SYNE1: variants seen among roughly 807,000 people sequenced by gnomAD.
SYNE1 encodes the protein spectrin repeat containing nuclear envelope protein 1, also known as nesprin-1.
Under a neutral mutation model 1,111.0 loss-of-function variants are expected in SYNE1, and 616 were observed. That is an observed-to-expected ratio of 0.55 (90% CI 0.52 to 0.59). The LOEUF is 0.59. SYNE1 is among the 20% of genes least tolerant of loss of function. SYNE1 has a pLI of 0.00. For synonymous variants in SYNE1, 3,855 were observed against 3,825.8 expected (o/e 1.01, Z -0.28); for missense variants, 10,006 against 10,417.0 (o/e 0.96, Z 1.72).
At position 152,232,329 on chromosome 6, in the gene SYNE1, T is replaced by G. The variant is rs1414324393; in HGVS notation, c.20713-64A>C. ...AATGGAAACCCCAACTTCTGCTAAC[T>G]TAAAAACCCTACAATAATTCTTAAA... On this transcript the variant is annotated intron_variant, in intron 112 of 145. Transcript: ENST00000367255. The G allele has an allele frequency of 2.9e-5, 45 of 1,528,514 alleles. No individual in the cohort carries two copies. In the Admixed American group the frequency reaches 7.4e-4, roughly 25 times the overall value. The allele number at this position is 1,528,514 out of a possible 1,614,324, so 94.7% of individuals were successfully genotyped here.
chr6:152,511,472 G>A, intron 6 of SYNE1: 1 of 1,049,516 alleles, frequency 9.5e-7, no homozygotes, highest in East Asian at 2.4e-5. Context: ...AGTTTAAGAA[G>A]ATGCACTTAC....
chr6:152,381,482 G>T, intron 55 of SYNE1, 120 bp from the exon 56 acceptor site: 1 of 962,864 alleles, frequency 1.0e-6, no homozygotes, highest in Non-Finnish European at 1.7e-6. Context: ...TGTGCCACAA[G>T]GACCCAGAAT....
chr6:152,277,790 GCC>G, intron 98 of SYNE1: 1 of 462,724 alleles, frequency 2.2e-6, no homozygotes, highest in South Asian at 2.0e-5. Flanking sequence ...TCCTGGAGTA[GCC>G]TTTACTTTCC....
At chr6:152,608,488 T>C (rs1037335480) in intron 3 of SYNE1, among the ~76,000 whole-genome samples, 3 of 152,238 alleles carry the variant, frequency 2.0e-5, no homozygotes, top group African/African-American at 4.8e-5. Context: ...TGTTTCTTAA[T>C]GAAGTATATA....
At chr6:152,367,116 A>G in intron 62 of SYNE1, 102 bp downstream of exon 62, 1 of 1,412,400 alleles carries the variant, frequency 7.1e-7, no homozygotes, top group Non-Finnish European at 1.0e-6. Context: ...GAGATTTATC[A>G]TGGAGAGAAT....
At chr6:152,241,528 G>GTGTGTGTGAA (rs1243329619) in intron 107 of SYNE1, among the ~76,000 whole-genome samples, 3 of 24,200 alleles carry the variant, frequency 1.2e-4, no homozygotes, top group African/African-American at 5.9e-4. Flanking sequence ...GTGTGTGTGT[G>GTGTGTGTGAA]TGAAATACGC....
At chr6:152,340,113 C>G (rs9371588) in intron 74 of SYNE1, among the ~76,000 whole-genome samples, 113,404 of 152,146 alleles carry the variant, frequency 0.75, 42,755 homozygotes, top group African/African-American at 0.86. Flanking sequence ...AAGCAGATAG[C>G]GTATGAGGAA....
chr6:152,301,379 C>T (rs2095158360), intron 92 of SYNE1, among the ~76,000 whole-genome samples: 1 of 152,152 alleles, frequency 6.6e-6, no homozygotes, highest in African/African-American at 2.4e-5. Flanking sequence ...TAATCCAAAG[C>T]CAAGCTTTAG....
intron 3 of SYNE1, among the ~76,000 whole-genome samples, chr6:152,602,996 G>A (rs1032519739): frequency 6.6e-6 from 1 of 152,138 alleles, no homozygotes; most frequent in Non-Finnish European, 1.5e-5. Flanking sequence ...AACAGGAGGA[G>A]CATATATGAG....
In SYNE1 at chr6:152,367,000, G is replaced by A. The variant is rs1036636906; in HGVS notation, c.9972+218C>T. 12 of 703,218 alleles carry A rather than the reference G, an allele frequency of 1.7e-5. No individual in the cohort carries two copies. The Middle Eastern group carries it at 7.0e-4, about 41-fold the overall frequency. 43.6% of individuals were successfully genotyped at this position (703,218 alleles called of 1,614,324 possible). A position where few individuals can be genotyped will look rare whatever the true frequency, so the allele number is the denominator to read the frequency against. Reference sequence around the variant, plus strand: ...AGTGATCACACAAGTAATCACATTCGGGCTTTATTTTATTTTATTTTTTGG... The same window carrying A: ...AGTGATCACACAAGTAATCACATTCAGGCTTTATTTTATTTTATTTTTTGG... On this transcript the variant is annotated intron_variant, in intron 62 of 145. Coordinates refer to ENST00000367255, the MANE Select transcript of SYNE1 (RefSeq NM_182961.4).
At chr6:152,184,814 CA>C (rs1563300028) in intron 128 of SYNE1, among the ~76,000 whole-genome samples, 1 of 152,028 alleles carries the variant, frequency 6.6e-6, no homozygotes, top group Non-Finnish European at 1.5e-5. Flanking sequence ...AAACGCTTTT[CA>C]AAAGATAAGG....
intron 75 of SYNE1, 126 bp downstream of exon 75, chr6:152,339,115 G>A: frequency 8.2e-7 from 1 of 1,222,718 alleles, no homozygotes; most frequent in South Asian, 1.3e-5. Context: ...TTATTATAAT[G>A]GCTGTAGAAC....
rs71575926 is a variant in SYNE1 at position 152,339,316 on chromosome 6, G to A, written c.12276C>T (p.Leu4092=). The change falls in exon 75 of 146, where the codon CTC becomes CTT. Residue 4092 remains leucine, a synonymous_variant. Transcript: ENST00000367255. ...LQEQARTYLD[L]LCSMCDLSNA... ...TTGACAGGTCACACATGGAGCAAAG[G>A]AGATCTAGGTAGGTCCTTGCCTGCT... 206,278 of 1,613,840 alleles carry A rather than the reference G, an allele frequency of 0.13. 14,862 individuals are homozygous for A. The highest frequency in any genetic ancestry group is 0.14 in the Non-Finnish European group (164,841 of 1,179,820).
intron 82 of SYNE1, among the ~76,000 whole-genome samples, chr6:152,322,134 A>G (rs1250527064): frequency 1.3e-5 from 2 of 152,328 alleles, no homozygotes; most frequent in South Asian, 2.1e-4. Flanking sequence ...TCAATTTCCT[A>G]TTTAAAGTAG....
At position 152,354,792 on chromosome 6, in the gene SYNE1, T is replaced by C. The variant is rs2096804793; in HGVS notation, c.10793A>G (p.Asn3598Ser). 1.9e-6 allele frequency: 3 copies of C among 1,614,104 alleles called. No individual in the cohort carries two copies. The highest frequency in any genetic ancestry group is 1.3e-5 in the African/African-American group (1 of 74,936). ...ETRTQFNNVVNKLRLMEQKFQ... is the reference protein window; with the variant it reads ...ETRTQFNNVVSKLRLMEQKFQ... ...CTTTTGCTCCATTAGCCTCAATTTG[T>C]TCACCACGTTATTGAACTGAGTTCG... is the stretch of plus-strand genomic sequence containing the variant. The change falls in exon 67 of 146, where the codon AAC (asparagine) becomes AGC (serine). Residue 3598 changes from asparagine (N) to serine (S), a missense_variant. This residue lies in a region of SYNE1 where 4,955 missense variants were observed against 5,017.2 expected (regional missense o/e 0.99). Transcript: ENST00000367255.
intron 93 of SYNE1, among the ~76,000 whole-genome samples, chr6:152,295,523 T>A (rs144238802): frequency 1.9e-3 from 294 of 152,186 alleles, no homozygotes; most frequent in South Asian, 7.1e-3. Flanking sequence ...AAGACTCTTG[T>A]TTCTCTTGCT....
At chr6:152,409,257 A>G (rs762162366) in intron 43 of SYNE1, 31 bp from the exon 44 acceptor site, 1 of 1,601,162 alleles carries the variant, frequency 6.2e-7, no homozygotes, top group East Asian at 2.2e-5. Flanking sequence ...AATTAATAAA[A>G]TAGTCAGTGA....
chr6:152,167,991 C>A lies in SYNE1; in HGVS notation c.23628-3666G>T, dbSNP rs150455804. The A allele has an allele frequency of 2.3e-4, 180 of 778,710 alleles. 2 individuals are homozygous for A. The East Asian group carries it at 4.3e-3, about 19-fold the overall frequency. The allele number at this position is 778,710 out of a possible 1,614,324, so 48.2% of individuals were successfully genotyped here. A position where few individuals can be genotyped will look rare whatever the true frequency, so the allele number is the denominator to read the frequency against. On this transcript the variant is annotated intron_variant, in intron 130 of 145. Transcript: ENST00000367255. ...CCACATGGCCAGCTATCTCCCAACACCAATCCTCTTCATGTAACATTGGCA... is the reference window on the plus strand; with the variant it reads ...CCACATGGCCAGCTATCTCCCAACAACAATCCTCTTCATGTAACATTGGCA...
In SYNE1 at chr6:152,458,744, G is replaced by A. The variant is rs944105234; in HGVS notation, c.2568+13C>T. 1 of 1,613,466 alleles carries A rather than the reference G, an allele frequency of 6.2e-7. No individual in the cohort carries two copies. The highest frequency in any genetic ancestry group is 8.5e-7 in the Non-Finnish European group (1 of 1,179,482). On this transcript the variant is annotated intron_variant, in intron 22 of 145. Coordinates refer to ENST00000367255, the MANE Select transcript of SYNE1 (RefSeq NM_182961.4). Reference sequence around the variant, plus strand: ...CTTTAGAATAATTGTCTCCTGAAAAGGATTGTTCTCACCTGATGTTTTTGT... The same window carrying A: ...CTTTAGAATAATTGTCTCCTGAAAAAGATTGTTCTCACCTGATGTTTTTGT...
Sources: gnomAD v4.1 joint callset for allele counts (sites outside exome capture counted in the v4.1 genomes callset) on GRCh38, gnomAD v4.1.1 for gene constraint, gnomAD v4.1.1 regional missense constraint, MANE v1.5 for transcripts, NCBI Gene and HGNC (gene_info 2026-07-23, HGNC 2026-07-21) for gene names.